CIMAP1B: variants seen among roughly 807,000 people sequenced by gnomAD.
CIMAP1B encodes the protein orf2 5' to PD-ECGF/TP.
the CIMAP1B span, chr22:50,531,373 T>C: frequency 8.0e-7 from 1 of 1,244,166 alleles, no homozygotes; most frequent in South Asian, 1.3e-5. Flanking sequence ...GTCCTGGGAC[T>C]AGTGGGGAGT....
chr22:50,530,546 G>A, the CIMAP1B span: 2 of 1,595,646 alleles, frequency 1.3e-6, no homozygotes, highest in South Asian at 1.1e-5. Context: ...AACTCCAGCC[G>A]CGGGGCTTCC....
chr22:50,530,497 T>G, the CIMAP1B span: 3 of 1,600,096 alleles, frequency 1.9e-6, no homozygotes, highest in Non-Finnish European at 2.6e-6. Flanking sequence ...TCCGCGTCGG[T>G]CACCAGCGGG....
At chr22:50,531,034 G>A in the CIMAP1B span, 3 of 1,610,088 alleles carry the variant, frequency 1.9e-6, no homozygotes, top group Non-Finnish European at 2.5e-6. Flanking sequence ...ACCCAAGAGC[G>A]AGGGCACCGT....
chr22:50,532,333 A>C, the CIMAP1B span: 3 of 374,490 alleles, frequency 8.0e-6, no homozygotes, highest in Non-Finnish European at 9.2e-6. Flanking sequence ...AGGGACGTGA[A>C]CTCGCGGGGG....
chr22:50,531,981 G>A, the CIMAP1B span: 1 of 1,346,100 alleles, frequency 7.4e-7, no homozygotes, highest in Non-Finnish European at 9.6e-7. Flanking sequence ...GTGTTGGGCG[G>A]CAGCTTGTAT....
the CIMAP1B span, chr22:50,530,559 T>G: frequency 6.3e-7 from 1 of 1,589,112 alleles, no homozygotes; most frequent in Non-Finnish European, 8.6e-7. Flanking sequence ...GGGCTTCCGG[T>G]GCTGCGGGCC....
At chr22:50,530,905 AC>A in the CIMAP1B span, 2 of 1,606,714 alleles carry the variant, frequency 1.2e-6, no homozygotes, top group Admixed American at 1.7e-5. Context: ...CGGACCAGGG[AC>A]CCCCTGCGTC....
chr22:50,532,191 C>CGCGGG, the CIMAP1B span: 2 of 1,264,874 alleles, frequency 1.6e-6, no homozygotes, highest in Admixed American at 8.4e-5. Context: ...CTGGGATCAG[C>CGCGGG]GCGGGGCGGG....
chr22:50,530,590 C>T, the CIMAP1B span: 5 of 1,569,246 alleles, frequency 3.2e-6, no homozygotes, highest in Admixed American at 1.9e-5. Flanking sequence ...GCTGACCTCG[C>T]GGGGCCGGCA....
chr22:50,531,639 C>A, the CIMAP1B span: 3 of 1,378,750 alleles, frequency 2.2e-6, no homozygotes, highest in African/African-American at 3.0e-5. Flanking sequence ...GGGGCGCCGT[C>A]GGTGCCGCGC....
the CIMAP1B span, chr22:50,532,458 T>G: frequency 5.5e-6 from 1 of 182,088 alleles, no homozygotes; most frequent in Non-Finnish European, 1.1e-5. Flanking sequence ...GGGGACCCGG[T>G]GCCCCGAGGT....
At chr22:50,531,627 CG>C in the CIMAP1B span, 3 of 1,386,928 alleles carry the variant, frequency 2.2e-6, no homozygotes, top group Non-Finnish European at 9.3e-7. Context: ...ATGGAGTAGG[CG>C]GGGGCGCCGT....
chr22:50,530,523 T>C, the CIMAP1B span: 1 of 1,601,090 alleles, frequency 6.2e-7, no homozygotes, highest in South Asian at 1.1e-5. Context: ...GTAGTCCGAG[T>C]GCCGGATCCC....
chr22:50,531,656 A>G, the CIMAP1B span: 1 of 1,374,876 alleles, frequency 7.3e-7, no homozygotes, highest in Non-Finnish European at 9.4e-7. Flanking sequence ...GCGCACGGTC[A>G]TGCGAGCGGG....
chr22:50,531,644 C>G, the CIMAP1B span: 1 of 1,380,748 alleles, frequency 7.2e-7, no homozygotes, highest in Non-Finnish European at 9.3e-7. Flanking sequence ...GCCGTCGGTG[C>G]CGCGCACGGT....
chr22:50,530,646 A>T, the CIMAP1B span: 1 of 1,587,098 alleles, frequency 6.3e-7, no homozygotes. Flanking sequence ...CTCTGATCCC[A>T]TCACTCCGAC....
the CIMAP1B span, chr22:50,530,813 C>T: frequency 1.5e-5 from 24 of 1,604,574 alleles, no homozygotes; most frequent in Non-Finnish European, 2.0e-5. Flanking sequence ...GACTTGTAGA[C>T]CCCTGGACTC....
the CIMAP1B span, chr22:50,531,684 C>T: frequency 1.5e-6 from 2 of 1,369,396 alleles, no homozygotes; most frequent in Non-Finnish European, 1.9e-6. Flanking sequence ...TGGCCTGGCC[C>T]GGGGCCGCAC....
chr22:50,531,634 G>A, the CIMAP1B span: 5 of 1,384,558 alleles, frequency 3.6e-6, no homozygotes, highest in African/African-American at 3.0e-5. Flanking sequence ...AGGCGGGGGC[G>A]CCGTCGGTGC....
Sources: allele counts gnomAD v4.1 joint callset, GRCh38; gene constraint gnomAD v4.1.1; transcripts MANE v1.5; gene names NCBI Gene and HGNC (gene_info 2026-07-23, HGNC 2026-07-21).